Variants in PADI4 observed in about 807,000 individuals in gnomAD.
PADI4 encodes the protein protein-arginine deiminase type-4.
PADI4 carries 62 observed loss-of-function variants against 75.0 expected under a neutral mutation model. That is an observed-to-expected ratio of 0.83 (90% CI 0.67 to 1.02). PADI4 has a LOEUF of 1.02. Among genes scored for constraint, PADI4 ranks in the 50% least tolerant of loss-of-function variants. The pLI is 0.00. For missense variants in PADI4, 845 were observed against 850.5 expected (o/e 0.99, Z 0.08); for synonymous variants, 361 against 348.1 (o/e 1.04, Z -0.41).
intron 15 of PADI4, among the ~76,000 whole-genome samples, chr1:17,361,894 C>T (rs768469141): frequency 1.2e-4 from 18 of 152,288 alleles, no homozygotes; most frequent in Middle Eastern, 3.4e-3. Context: ...TGAGTGCCTA[C>T]GACGTGCAAG....
chr1:17,348,071 G>C, intron 10 of PADI4, 23 bp downstream of exon 10: 1 of 1,445,974 alleles, frequency 6.9e-7, no homozygotes, highest in Middle Eastern at 1.7e-4. Flanking sequence ...GGTGGGGAGG[G>C]GGCACAGCTG....
At position 17,321,405 on chromosome 1, in the gene PADI4, T is replaced by C. The variant is rs534175015; in HGVS notation, c.93-9564T>C. Among the ~76,000 whole-genome samples the C allele has an allele frequency of 1.8e-4, 27 of 152,340 alleles. No individual in the cohort carries two copies. The South Asian group carries it at 4.3e-3, about 25-fold the overall frequency. ...GATCCAATATACCTAACTCTTGAGTTTGGGAAAGTGACTTCACCTCTCTGT... is the reference window on the plus strand; with the variant it reads ...GATCCAATATACCTAACTCTTGAGTCTGGGAAAGTGACTTCACCTCTCTGT... On this transcript the variant is annotated intron_variant, in intron 1 of 15. Transcript: ENST00000375448.
At position 17,354,430 on chromosome 1, in the gene PADI4, G is replaced by C. The variant is rs991428800; in HGVS notation, c.1156-103G>C. 3 of 955,592 alleles carry C rather than the reference G, an allele frequency of 3.1e-6. No homozygotes were observed. The African/African-American group carries it at 4.8e-5, about 15-fold the overall frequency. 59.2% of individuals were successfully genotyped at this position (955,592 alleles called of 1,614,324 possible). A position where few individuals can be genotyped will look rare whatever the true frequency, so the allele number is the denominator to read the frequency against. On this transcript the variant is annotated intron_variant, in intron 10 of 15. Coordinates refer to ENST00000375448, the MANE Select transcript of PADI4 (RefSeq NM_012387.3). Reference sequence around the variant, plus strand: ...CTATGTGCCAGCTGTAGACGGTACTGAGTTACTTCCTGTGCCCAAGTTCAT... The same window carrying C: ...CTATGTGCCAGCTGTAGACGGTACTCAGTTACTTCCTGTGCCCAAGTTCAT...
chr1:17,336,041 G>C, intron 3 of PADI4, 118 bp from the exon 4 acceptor site: 1 of 679,946 alleles, frequency 1.5e-6, no homozygotes, highest in Non-Finnish European at 2.7e-6. Flanking sequence ...CGGGAAGAGG[G>C]GCTCACACTA....
chr1:17,355,605 C>T (rs1748012), intron 11 of PADI4, among the ~76,000 whole-genome samples: 107,869 of 150,518 alleles, frequency 0.72, 38,928 homozygotes, highest in African/African-American at 0.79. Flanking sequence ...TAGGAGAAAA[C>T]TGAGGCTCAA....
intron 1 of PADI4, among the ~76,000 whole-genome samples, chr1:17,312,830 C>T (rs1355062914): frequency 1.4e-5 from 2 of 147,614 alleles, no homozygotes; most frequent in African/African-American, 5.0e-5. Context: ...ATTTCCTTGT[C>T]GGCAAATTGT....
chr1:17,351,128 GT>G (rs2074609747), intron 10 of PADI4, among the ~76,000 whole-genome samples: 1 of 133,206 alleles, frequency 7.5e-6, no homozygotes, highest in Non-Finnish European at 1.7e-5. Context: ...AGCCCAGGAG[GT>G]CAAGGCTGCA....
intron 13 of PADI4, among the ~76,000 whole-genome samples, chr1:17,358,245 C>T (rs1340417141): frequency 6.7e-6 from 1 of 150,350 alleles, no homozygotes; most frequent in Non-Finnish European, 1.5e-5. Context: ...AAGGCTCTGT[C>T]TCAAAACAAA....
intron 10 of PADI4, among the ~76,000 whole-genome samples, chr1:17,352,941 G>C (rs1176865294): frequency 6.6e-6 from 1 of 152,210 alleles, no homozygotes; most frequent in Non-Finnish European, 1.5e-5. Flanking sequence ...AGGTGAACCA[G>C]GATCCCCCGG....
At position 17,330,990 on chromosome 1, in the gene PADI4, G is replaced by T. The variant is rs199525421; in HGVS notation, c.114G>T (p.Thr38=). 7 of 1,589,530 alleles carry T rather than the reference G, an allele frequency of 4.4e-6. No homozygotes were observed. Among genetic ancestry groups the T allele is most frequent in the Admixed American group, 1.8e-5 (1 of 54,138 alleles). ...ACAGCTCTGCCCCTGAGGACTGCAC[G>T]TCCTTCAGCATCAACGCCTCCCCAG... The part of the protein sequence containing the change: ...DICSSAPEDC[T]SFSINASPGV... Residue 38 remains threonine, a synonymous_variant, in exon 2 of 16, where the codon ACG becomes ACT. Coordinates refer to ENST00000375448, the MANE Select transcript of PADI4 (RefSeq NM_012387.3).
chr1:17,317,366 T>A (rs946023509), intron 1 of PADI4, among the ~76,000 whole-genome samples: 2 of 152,112 alleles, frequency 1.3e-5, no homozygotes, highest in African/African-American at 4.8e-5. Flanking sequence ...CCTCCCAGGT[T>A]CAAGCAATTC....
At chr1:17,335,078 G>T (rs923230336) in intron 3 of PADI4, among the ~76,000 whole-genome samples, 2 of 152,088 alleles carry the variant, frequency 1.3e-5, no homozygotes, top group African/African-American at 4.8e-5. Flanking sequence ...AGAAGGTCAA[G>T]ACTACATGAT....
At chr1:17,340,468 G>A (rs1185234568) in intron 6 of PADI4, among the ~76,000 whole-genome samples, 4 of 152,252 alleles carry the variant, frequency 2.6e-5, no homozygotes, top group African/African-American at 9.6e-5. Context: ...GCAGAGGGAG[G>A]TATAGGAACA....
At chr1:17,329,812 C>T (rs1004021005) in intron 1 of PADI4, among the ~76,000 whole-genome samples, 7 of 152,166 alleles carry the variant, frequency 4.6e-5, no homozygotes, top group Admixed American at 1.3e-4. Flanking sequence ...ATCCGACTTT[C>T]CTTTCTGAAT....
At chr1:17,343,194 T>TTAAAAATAA (rs2074454543) in intron 8 of PADI4, among the ~76,000 whole-genome samples, 1 of 151,840 alleles carries the variant, frequency 6.6e-6, no homozygotes. Flanking sequence ...CTTGAGAAAA[T>TTAAAAATAA]TAAAAATAAT....
intron 1 of PADI4, among the ~76,000 whole-genome samples, chr1:17,329,253 G>A (rs965984600): frequency 4.2e-4 from 64 of 150,684 alleles, no homozygotes; most frequent in African/African-American, 1.6e-3. Flanking sequence ...GTGAACCCAG[G>A]AGGCAGAGCT....
At chr1:17,329,273 C>T (rs1300454888) in intron 1 of PADI4, among the ~76,000 whole-genome samples, 4 of 149,902 alleles carry the variant, frequency 2.7e-5, no homozygotes, top group Non-Finnish European at 4.4e-5. Flanking sequence ...TTGCAGTGAG[C>T]CAAGATCACG....
intron 15 of PADI4, among the ~76,000 whole-genome samples, chr1:17,363,175 G>T (rs2074870527): frequency 6.6e-6 from 1 of 152,162 alleles, no homozygotes; most frequent in Admixed American, 6.6e-5. Flanking sequence ...CTGGAGTGCA[G>T]TGGCACAATC....
rs1241818392 is a variant in PADI4 at position 17,345,906 on chromosome 1, GT to G, written c.936-121del. Reference sequence around the variant, plus strand: ...CCTGCTAAGAGCAGATGGACCGGACGTGCCAGGAGCCTCTGTTCAGGCCACA... The same window carrying G: ...CCTGCTAAGAGCAGATGGACCGGACGGCCAGGAGCCTCTGTTCAGGCCACA... On this transcript the variant is annotated intron_variant, in intron 8 of 15. Coordinates refer to ENST00000375448, the MANE Select transcript of PADI4 (RefSeq NM_012387.3). 2.1e-5 allele frequency: 13 copies of G among 630,044 alleles called. No homozygotes were observed. The African/African-American group carries it at 2.2e-4, about 11-fold the overall frequency. The allele number at this position is 630,044 out of a possible 1,614,324, so 39.0% of individuals were successfully genotyped here.
Sources: gnomAD v4.1 joint callset for allele counts (sites outside exome capture counted in the v4.1 genomes callset) on GRCh38, gnomAD v4.1.1 for gene constraint, MANE v1.5 for transcripts, NCBI Gene and HGNC (gene_info 2026-07-23, HGNC 2026-07-21) for gene names.